Variants in CCDC171 observed in about 807,000 individuals in gnomAD.
CCDC171 encodes coiled-coil domain containing 171, also known as coiled-coil domain-containing protein 171.
In CCDC171, 177 loss-of-function variants were observed where a neutral mutation model predicts 168.2. The ratio of observed to expected loss-of-function variants is 1.05; its 90% CI spans 0.93 to 1.19. The LOEUF is 1.19. Ranked by LOEUF, CCDC171 falls within the 50% of genes most tolerant of loss-of-function variation. The pLI is 0.00. For missense variants in CCDC171, 1,991 were observed against 1,539.0 expected, an observed-to-expected ratio of 1.29 and a Z score of -4.91; for synonymous variants, 687 against 540.8, an observed-to-expected ratio of 1.27 and a Z score of -3.75.
chr9:15,800,462 G>T, intron 21 of CCDC171, among the ~76,000 whole-genome samples: 1 of 151,956 alleles, frequency 6.6e-6, no homozygotes, highest in Non-Finnish European at 1.5e-5. Flanking sequence ...CAGATTATTA[G>T]ATTTTTTTCC....
intron 25 of CCDC171, among the ~76,000 whole-genome samples, chr9:15,967,539 ATG>A (rs1398049271): frequency 1.3e-5 from 2 of 152,192 alleles, no homozygotes; most frequent in Non-Finnish European, 2.9e-5. Context: ...TTCTGGGTTA[ATG>A]TCCCTCAAAA....
chr9:15,564,714 A>G (rs982764263), intron 2 of CCDC171, among the ~76,000 whole-genome samples: 2 of 152,232 alleles, frequency 1.3e-5, no homozygotes, highest in Non-Finnish European at 2.9e-5. Flanking sequence ...ACAAAACTGG[A>G]CCACATAGGG....
At chr9:15,674,620 G>A (rs768327671) in intron 9 of CCDC171, among the ~76,000 whole-genome samples, 9 of 152,018 alleles carry the variant, frequency 5.9e-5, no homozygotes, top group Non-Finnish European at 1.3e-4. Context: ...GTTATTTACT[G>A]AGTAGTCATT....
At chr9:15,617,887 C>T (rs889596376) in intron 6 of CCDC171, among the ~76,000 whole-genome samples, 10 of 152,144 alleles carry the variant, frequency 6.6e-5, no homozygotes, top group Admixed American at 6.5e-4. Flanking sequence ...AAGCTTTGTC[C>T]CAGAGGGGCA....
chr9:15,595,027 A>G (rs1242235602), intron 6 of CCDC171, among the ~76,000 whole-genome samples: 3 of 152,220 alleles, frequency 2.0e-5, no homozygotes, highest in African/African-American at 7.2e-5. Context: ...TGTCAAAGAT[A>G]TGCATTTTTC....
intron 3 of CCDC171, among the ~76,000 whole-genome samples, chr9:16,004,346 G>A (rs187202107): frequency 6.6e-6 from 1 of 152,276 alleles, no homozygotes; most frequent in East Asian, 1.9e-4. Context: ...AAGAAAGAAA[G>A]ATGATTTTTT....
At chr9:15,799,339 T>A (rs572713585) in intron 21 of CCDC171, among the ~76,000 whole-genome samples, 15 of 151,498 alleles carry the variant, frequency 9.9e-5, no homozygotes, top group Admixed American at 2.6e-4. Flanking sequence ...AATATGTTGT[T>A]CCCTTCTCTT....
chr9:15,674,462 T>C (rs1444001043), intron 9 of CCDC171, among the ~76,000 whole-genome samples: 2 of 152,100 alleles, frequency 1.3e-5, no homozygotes, highest in African/African-American at 4.8e-5. Context: ...AGGGTGTCGA[T>C]TGTAGATCTT....
In CCDC171 at chr9:15,784,508, G is replaced by A; in HGVS notation, c.3082-1G>A. The stretch of plus-strand genomic sequence containing the variant: ...ATTCTCCCCTCTCCTCCTTTTTACA[G>A]AAATTGATCACCCATGAGAAGTTTG... On this transcript the variant is annotated splice_acceptor_variant, in intron 20 of 25. Transcript: ENST00000380701. LOFTEE classifies it high-confidence loss of function. 1 of 1,605,506 alleles carries A rather than the reference G, an allele frequency of 6.2e-7. No individual in the cohort carries two copies. Among genetic ancestry groups the A allele is most frequent in the Non-Finnish European group, 8.5e-7 (1 of 1,174,368 alleles).
At chr9:15,640,009 G>A (rs1029901352) in intron 7 of CCDC171, among the ~76,000 whole-genome samples, 2 of 152,158 alleles carry the variant, frequency 1.3e-5, no homozygotes, top group African/African-American at 4.8e-5. Flanking sequence ...CAAGGACCTA[G>A]TATGGCATCT....
intron 23 of CCDC171, among the ~76,000 whole-genome samples, chr9:15,861,204 G>A (rs942472959): frequency 1.0e-4 from 11 of 109,904 alleles, no homozygotes; most frequent in South Asian, 3.6e-4. Context: ...CATAGACAGC[G>A]TATAGTTGGA....
intron 22 of CCDC171, 45 bp downstream of exon 22, chr9:15,846,892 A>G (rs752150770): frequency 2.0e-6 from 3 of 1,535,702 alleles, no homozygotes; most frequent in Non-Finnish European, 1.8e-6. Context: ...CAGACAAAAG[A>G]TCAATTCTTA....
At chr9:15,864,513 C>G (rs948272583) in intron 23 of CCDC171, among the ~76,000 whole-genome samples, 2 of 151,974 alleles carry the variant, frequency 1.3e-5, no homozygotes, top group Non-Finnish European at 2.9e-5. Context: ...TTCTTCTGTC[C>G]AAGTGTTCTC....
intron 24 of CCDC171, among the ~76,000 whole-genome samples, chr9:15,917,063 G>A (rs1308723091): frequency 6.6e-6 from 1 of 151,946 alleles, no homozygotes; most frequent in Non-Finnish European, 1.5e-5. Flanking sequence ...TAGAGGGTTA[G>A]ACAGTCAGAC....
At chr9:15,902,468 G>A (rs1333601515) in intron 24 of CCDC171, among the ~76,000 whole-genome samples, 1 of 152,094 alleles carries the variant, frequency 6.6e-6, no homozygotes, top group Non-Finnish European at 1.5e-5. Context: ...TGATTGATAG[G>A]TAGTATTGAA....
chr9:16,075,160 A>C, the CCDC171 span, among the ~76,000 whole-genome samples: 3 of 152,178 alleles, frequency 2.0e-5, no homozygotes, highest in African/African-American at 7.2e-5. Context: ...AGATATTGGC[A>C]TGTCTCCCAG....
chr9:15,774,241 G>A (rs1278227189), intron 18 of CCDC171, among the ~76,000 whole-genome samples: 3 of 93,112 alleles, frequency 3.2e-5, no homozygotes, highest in Non-Finnish European at 5.9e-5. Context: ...GCAAGACGCT[G>A]TCTTTAAAAA....
intron 11 of CCDC171, among the ~76,000 whole-genome samples, chr9:15,719,237 G>C (rs990305220): frequency 1.3e-5 from 2 of 151,926 alleles, no homozygotes; most frequent in Admixed American, 6.6e-5. Flanking sequence ...TTAAGCAAAA[G>C]AAAGAATTAG....
At chr9:15,895,808 T>C (rs1169479) in intron 24 of CCDC171, among the ~76,000 whole-genome samples, 65,504 of 151,894 alleles carry the variant, frequency 0.43, 14,343 homozygotes, top group African/African-American at 0.47. Context: ...GTGGCAATTC[T>C]GTAATTTACC....
Sources: gnomAD v4.1 joint callset for allele counts (sites outside exome capture counted in the v4.1 genomes callset) on GRCh38, gnomAD v4.1.1 for gene constraint, MANE v1.5 for transcripts, NCBI Gene and HGNC (gene_info 2026-07-23, HGNC 2026-07-21) for gene names.